SLC14A2: variants seen among roughly 807,000 people sequenced by gnomAD.
The protein encoded by SLC14A2 is urea transporter 2.
Under a neutral mutation model 104.6 loss-of-function variants are expected in SLC14A2, and 91 were observed. That is an observed-to-expected ratio of 0.87 (90% CI 0.73 to 1.04). The LOEUF is 1.04. Among genes scored for constraint, SLC14A2 ranks in the 50% least tolerant of loss-of-function variants. The pLI is 0.00. For synonymous variants in SLC14A2, 476 were observed against 466.4 expected (o/e 1.02, Z -0.27); for missense variants, 1,189 against 1,156.0 (o/e 1.03, Z -0.41).
At chr18:45,251,421 C>T (rs1356371619) in intron 1 of SLC14A2, among the ~76,000 whole-genome samples, 1 of 152,246 alleles carries the variant, frequency 6.6e-6, no homozygotes, top group Non-Finnish European at 1.5e-5. Context: ...CCAAACTACC[C>T]TCTTGGTCAG....
chr18:45,658,635 G>A (rs748818687), intron 10 of SLC14A2, among the ~76,000 whole-genome samples: 51 of 151,354 alleles, frequency 3.4e-4, no homozygotes, highest in Admixed American at 7.9e-4. Context: ...GCATGGACCT[G>A]TTTGGGTAAA....
intron 1 of SLC14A2, among the ~76,000 whole-genome samples, chr18:45,370,734 C>G (rs1381555230): frequency 6.6e-6 from 1 of 152,088 alleles, no homozygotes; most frequent in African/African-American, 2.4e-5. Flanking sequence ...AAATCACTCC[C>G]AGAAGGGAGC....
intron 2 of SLC14A2, among the ~76,000 whole-genome samples, chr18:45,593,014 G>A (rs2044670430): frequency 6.6e-6 from 1 of 152,174 alleles, no homozygotes; most frequent in Non-Finnish European, 1.5e-5. Context: ...GACCAGAGCT[G>A]TCCAATAGAA....
At chr18:45,567,440 T>C (rs1016463340) in intron 2 of SLC14A2, among the ~76,000 whole-genome samples, 13 of 152,348 alleles carry the variant, frequency 8.5e-5, no homozygotes, top group African/African-American at 3.1e-4. Context: ...CCCAGATCTG[T>C]CTGCTGATTT....
chr18:45,171,418 A>G, the SLC14A2 span, among the ~76,000 whole-genome samples: 1 of 152,176 alleles, frequency 6.6e-6, no homozygotes, highest in Admixed American at 6.5e-5. Flanking sequence ...AGTAAAATAT[A>G]TAGTCTAGAA....
chr18:45,593,043 C>G (rs2044671311), intron 2 of SLC14A2, among the ~76,000 whole-genome samples: 1 of 152,152 alleles, frequency 6.6e-6, no homozygotes, highest in African/African-American at 2.4e-5. Context: ...TGAGGCCGGG[C>G]GCCGTGGCTC....
intron 1 of SLC14A2, among the ~76,000 whole-genome samples, chr18:45,213,855 T>G (rs571152858): frequency 6.6e-6 from 1 of 152,342 alleles, no homozygotes; most frequent in South Asian, 2.1e-4. Context: ...TTTCCCATCA[T>G]CTGCCCCAGA....
intron 2 of SLC14A2, among the ~76,000 whole-genome samples, chr18:45,551,465 G>T (rs1436085256): frequency 6.6e-6 from 1 of 152,252 alleles, no homozygotes; most frequent in Admixed American, 6.5e-5. Context: ...ACCGCTGTTG[G>T]GACAACAGAA....
chr18:45,413,865 C>T (rs925173335), intron 1 of SLC14A2, among the ~76,000 whole-genome samples: 1 of 151,958 alleles, frequency 6.6e-6, no homozygotes. Context: ...ATAGTGCCTG[C>T]TTGTTAGGTG....
At chr18:45,363,203 C>T (rs976075757) in intron 1 of SLC14A2, among the ~76,000 whole-genome samples, 2 of 152,108 alleles carry the variant, frequency 1.3e-5, no homozygotes, top group Admixed American at 6.5e-5. Context: ...TCCAGCTGCT[C>T]CTCTGAAACC....
At chr18:45,388,023 G>A (rs1188128189) in intron 1 of SLC14A2, among the ~76,000 whole-genome samples, 2 of 150,416 alleles carry the variant, frequency 1.3e-5, no homozygotes, top group African/African-American at 2.4e-5. Context: ...GCTCAAAGGA[G>A]GATGAAGTCC....
chr18:45,190,838 G>A, the SLC14A2 span, among the ~76,000 whole-genome samples: 3 of 152,128 alleles, frequency 2.0e-5, no homozygotes, highest in Admixed American at 1.3e-4. Flanking sequence ...TCAGAGGTGG[G>A]CAATAATTTG....
rs576206122 is a variant in SLC14A2, at chr18:45,221,476, T to C, written c.-125+8285T>C. 2.0e-4 allele frequency among the ~76,000 whole-genome samples: 30 copies of C among 152,298 alleles called. No individual in the cohort carries two copies. The South Asian group carries it at 6.0e-3, about 31-fold the overall frequency. ...CTTTGATTGGTCCAGAATCAGCCGG[T>C]GCTCACTACCAGATCAGTCACTGCA... On this transcript the variant is annotated intron_variant, in intron 1 of 20. Transcript: ENST00000586448.
chr18:45,183,905 A>ATT, the SLC14A2 span, among the ~76,000 whole-genome samples: 1 of 71,930 alleles, frequency 1.4e-5, no homozygotes, highest in African/African-American at 5.5e-5. Flanking sequence ...CTAATTTTCT[A>ATT]ATTTTTTTTT....
intron 1 of SLC14A2, among the ~76,000 whole-genome samples, chr18:45,411,779 T>C (rs2086218198): frequency 6.6e-6 from 1 of 151,890 alleles, no homozygotes; most frequent in Admixed American, 6.6e-5. Flanking sequence ...ACCTTAGAGA[T>C]GAGGAGCAGT....
intron 1 of SLC14A2, among the ~76,000 whole-genome samples, chr18:45,339,249 C>T (rs2085369053): frequency 6.6e-6 from 1 of 152,186 alleles, no homozygotes; most frequent in South Asian, 2.1e-4. Context: ...CAGGCACAAG[C>T]CACCGCACCT....
intron 2 of SLC14A2, among the ~76,000 whole-genome samples, chr18:45,527,653 C>T (rs1006587229): frequency 6.6e-6 from 1 of 152,156 alleles, no homozygotes; most frequent in Non-Finnish European, 1.5e-5. Flanking sequence ...AGCCTGGATA[C>T]TTATAGCAGC....
At chr18:45,369,098 C>G (rs1374703632) in intron 1 of SLC14A2, among the ~76,000 whole-genome samples, 1 of 152,108 alleles carries the variant, frequency 6.6e-6, no homozygotes, top group Non-Finnish European at 1.5e-5. Context: ...GGGTCTCAGT[C>G]AACATGGGAA....
intron 2 of SLC14A2, among the ~76,000 whole-genome samples, chr18:45,503,011 T>C (rs182347241): frequency 1.3e-5 from 2 of 152,210 alleles, no homozygotes; most frequent in Admixed American, 6.5e-5. Flanking sequence ...GAAGGCATCA[T>C]TTTAAAGTTC....
Sources: allele counts gnomAD v4.1 joint callset (sites outside exome capture counted in the v4.1 genomes callset), GRCh38; gene constraint gnomAD v4.1.1; transcripts MANE v1.5; gene names NCBI Gene and HGNC (gene_info 2026-07-23, HGNC 2026-07-21).